RHOU: variants seen among roughly 807,000 people sequenced by gnomAD.
RHOU encodes rho-related GTP-binding protein RhoU.
RHOU carries 8 observed loss-of-function variants against 12.6 expected under a neutral mutation model. That is an observed-to-expected ratio of 0.64 (90% CI 0.37 to 1.15). RHOU has a LOEUF of 1.15. RHOU is among the 50% of genes most tolerant of loss of function. RHOU has a pLI of 0.01. For synonymous variants in RHOU, 161 were observed against 147.4 expected, an observed-to-expected ratio of 1.09 and a Z score of -0.67; for missense variants, 258 against 347.0, an observed-to-expected ratio of 0.74 and a Z score of 2.04.
At chr1:228,716,866 A>G in the RHOU span, among the ~76,000 whole-genome samples, 16 of 152,254 alleles carry the variant, frequency 1.1e-4, no homozygotes, top group South Asian at 3.3e-3. Context: ...ACAGTCTGAA[A>G]TCCATCATGA....
the RHOU span, among the ~76,000 whole-genome samples, chr1:228,707,255 A>G: frequency 3.4e-4 from 14 of 40,710 alleles, no homozygotes; most frequent in Non-Finnish European, 4.5e-4. Flanking sequence ...ATATATATAT[A>G]GTGTGTGTGT....
At chr1:228,666,152 G>A in the RHOU span, among the ~76,000 whole-genome samples, 1 of 151,970 alleles carries the variant, frequency 6.6e-6, no homozygotes, top group African/African-American at 2.4e-5. Flanking sequence ...TAGAAACAGG[G>A]TTTCACCATG....
At chr1:228,716,359 T>C in the RHOU span, among the ~76,000 whole-genome samples, 57 of 152,218 alleles carry the variant, frequency 3.7e-4, no homozygotes, top group Non-Finnish European at 7.3e-4. Flanking sequence ...CTCTGTCTTA[T>C]CTTTCTCATA....
At chr1:228,659,373 C>T in the RHOU span, among the ~76,000 whole-genome samples, 1 of 151,750 alleles carries the variant, frequency 6.6e-6, no homozygotes, top group East Asian at 1.9e-4. Flanking sequence ...AGTGAAACTC[C>T]ATCTCAAAAA....
At chr1:228,707,261 T>C in the RHOU span, among the ~76,000 whole-genome samples, 1 of 75,762 alleles carries the variant, frequency 1.3e-5, no homozygotes, top group East Asian at 2.5e-4. Context: ...ATATAGTGTG[T>C]GTGTGTGTGT....
the RHOU span, among the ~76,000 whole-genome samples, chr1:228,668,171 G>T: frequency 6.6e-6 from 1 of 152,288 alleles, no homozygotes; most frequent in Non-Finnish European, 1.5e-5. Context: ...TTGCTGGGAG[G>T]ATGCCACACC....
At chr1:228,703,147 C>T in the RHOU span, among the ~76,000 whole-genome samples, 1 of 152,178 alleles carries the variant, frequency 6.6e-6, no homozygotes, top group African/African-American at 2.4e-5. Context: ...TTTAAAACAA[C>T]AGTAAGAGTT....
the RHOU span, among the ~76,000 whole-genome samples, chr1:228,707,219 A>G: frequency 6.7e-5 from 7 of 104,548 alleles, 1 homozygote; most frequent in South Asian, 5.1e-4. Flanking sequence ...ATATATATAC[A>G]TATATATATA....
At position 228,735,838 on chromosome 1, in the gene RHOU, G is replaced by C; in HGVS notation, c.96G>C (p.Gly32=). ...AGCGCGGTGGACGCGGGGGACGCGG[G>C]CCTGGGGAGCCGGGGGGCCGGGGGC... is the stretch of plus-strand genomic sequence containing the variant. ...RRERGGRGGR[G]PGEPGGRGRA... is the part of the protein sequence containing the mutation. The change falls in exon 1 of 3, where the codon GGG becomes GGC. Residue 32 remains glycine (G), a synonymous_variant. Coordinates refer to ENST00000366691, the MANE Select transcript of RHOU (RefSeq NM_021205.6). This position sits in a 1 kb window ranked among gnomAD's most constrained non-coding sequence, Gnocchi z 8.1. 7.7e-7 allele frequency: 1 copy of C among 1,301,482 alleles called. No homozygotes were observed. The highest frequency in any genetic ancestry group is 9.7e-7 in the Non-Finnish European group (1 of 1,028,348). The allele number at this position is 1,301,482 out of a possible 1,614,324, so 80.6% of individuals were successfully genotyped here.
At chr1:228,708,425 T>A in the RHOU span, among the ~76,000 whole-genome samples, 2 of 150,896 alleles carry the variant, frequency 1.3e-5, no homozygotes, top group African/African-American at 2.4e-5. Context: ...CGGGTTACCC[T>A]CAAAGGGAAG....
chr1:228,727,500 G>A, the RHOU span, among the ~76,000 whole-genome samples: 4 of 152,116 alleles, frequency 2.6e-5, no homozygotes, highest in East Asian at 1.9e-4. Flanking sequence ...TTGTAGAGAC[G>A]AGGTTTTACC....
the RHOU span, among the ~76,000 whole-genome samples, chr1:228,688,082 G>T: frequency 6.7e-6 from 1 of 149,354 alleles, no homozygotes; most frequent in Admixed American, 6.8e-5. Context: ...GATTTTGTTT[G>T]TTTGTTTGTT....
the RHOU span, among the ~76,000 whole-genome samples, chr1:228,646,954 G>T: frequency 3.8e-4 from 58 of 152,092 alleles, no homozygotes; most frequent in Admixed American, 5.9e-4. Flanking sequence ...GGCTAAGAGG[G>T]ACAGAGAAAG....
rs963201497 is a variant in RHOU at position 228,735,491 on chromosome 1, A to T, written c.-252A>T. The T allele has an allele frequency of 3.9e-5, 10 of 256,986 alleles. No homozygotes were observed. The highest frequency in any genetic ancestry group is 5.9e-5 in the Non-Finnish European group (8 of 136,672). The allele number at this position is 256,986 out of a possible 1,614,324, so 15.9% of individuals were successfully genotyped here. ...GCCGGGCGGAGACAGAGCGCTTGGG[A>T]TCCACGGCGCTCGGACCGCTGTCCT... On this transcript the variant is annotated 5_prime_UTR_variant, in exon 1 of 3. Coordinates refer to ENST00000366691, the MANE Select transcript of RHOU (RefSeq NM_021205.6). This position sits in a 1 kb window ranked among gnomAD's most constrained non-coding sequence, Gnocchi z 8.1.
At chr1:228,657,073 C>G in the RHOU span, among the ~76,000 whole-genome samples, 1 of 151,706 alleles carries the variant, frequency 6.6e-6, no homozygotes, top group Non-Finnish European at 1.5e-5. Flanking sequence ...GTCAGGAGTT[C>G]AAGACCAGCC....
the RHOU span, among the ~76,000 whole-genome samples, chr1:228,667,111 A>G: frequency 6.6e-6 from 1 of 152,220 alleles, no homozygotes; most frequent in Non-Finnish European, 1.5e-5. Context: ...TTCTGTCATG[A>G]GCTTGCTATC....
chr1:228,745,066 G>C lies in RHOU; in HGVS notation c.*1326G>C, dbSNP rs1375077084. On this transcript the variant is annotated 3_prime_UTR_variant, in exon 3 of 3. Coordinates refer to ENST00000366691, the MANE Select transcript of RHOU (RefSeq NM_021205.6). The stretch of plus-strand genomic sequence containing the variant: ...TTCAGGGCAGTAGCAGCAGAGGCCA[G>C]TGGACTCTGAGGACTCCTGAGGGGC... 1 of 152,208 alleles carries C rather than the reference G, an allele frequency of 6.6e-6. No homozygotes were observed. Among genetic ancestry groups the C allele is most frequent in the Non-Finnish European group, 1.5e-5 (1 of 68,052 alleles). 9.4% of individuals were successfully genotyped at this position (152,208 alleles called of 1,614,324 possible).
At chr1:228,683,637 T>TA in the RHOU span, among the ~76,000 whole-genome samples, 1 of 152,336 alleles carries the variant, frequency 6.6e-6, no homozygotes, top group African/African-American at 2.4e-5. Flanking sequence ...CAGCATAATT[T>TA]AAAAAATTTC....
the RHOU span, among the ~76,000 whole-genome samples, chr1:228,695,550 G>A: frequency 6.6e-6 from 1 of 152,188 alleles, no homozygotes; most frequent in Non-Finnish European, 1.5e-5. Flanking sequence ...GTGTTTCTAT[G>A]ACTTGGGGTT....
Sources: allele counts gnomAD v4.1 joint callset (sites outside exome capture counted in the v4.1 genomes callset), GRCh38; gene constraint gnomAD v4.1.1; non-coding constraint Gnocchi (gnomAD v3.1); transcripts MANE v1.5; gene names NCBI Gene and HGNC (gene_info 2026-07-23, HGNC 2026-07-21).